Variants in MAPK6 observed in about 807,000 individuals in gnomAD.
MAPK6 encodes the protein ERK-3.
Under a neutral mutation model 59.3 loss-of-function variants are expected in MAPK6, and 19 were observed. The ratio of observed to expected loss-of-function variants is 0.32; its 90% CI spans 0.22 to 0.47. The LOEUF is 0.47. Ranked by LOEUF, MAPK6 falls within the 20% of genes least tolerant of loss-of-function variation. MAPK6 has a pLI of 1.00. For synonymous variants in MAPK6, 316 were observed against 290.3 expected (o/e 1.09, Z -0.90); for missense variants, 724 against 847.9 (o/e 0.85, Z 1.81).
chr15:51,981,027 C>G (rs142982043), intron 1 of MAPK6, among the ~76,000 whole-genome samples: 3 of 151,802 alleles, frequency 2.0e-5, no homozygotes, highest in Admixed American at 6.6e-5. Context: ...TTTCCTGAAC[C>G]TCTTTCCTCC....
chr15:52,007,161 A>T (rs1162061084), intron 3 of MAPK6, among the ~76,000 whole-genome samples: 1 of 152,134 alleles, frequency 6.6e-6, no homozygotes, highest in East Asian at 1.9e-4. Flanking sequence ...TGTTTATTAT[A>T]GGAAGTGCTG....
chr15:51,994,049 C>T (rs753746277), intron 2 of MAPK6, among the ~76,000 whole-genome samples: 31 of 152,260 alleles, frequency 2.0e-4, no homozygotes, highest in Non-Finnish European at 3.7e-4. Flanking sequence ...AAACCTCCAC[C>T]TCCTGGGTTC....
At chr15:52,044,525 T>G (rs1329879490) in intron 1 of MAPK6, among the ~76,000 whole-genome samples, 1 of 152,160 alleles carries the variant, frequency 6.6e-6, no homozygotes, top group Non-Finnish European at 1.5e-5. Flanking sequence ...GCCTAAAATA[T>G]TGTCTGGTCT....
intron 1 of MAPK6, among the ~76,000 whole-genome samples, chr15:52,032,992 T>A (rs1315367128): frequency 1.3e-5 from 2 of 151,544 alleles, no homozygotes; most frequent in East Asian, 3.9e-4. Flanking sequence ...GCCTCCTTTT[T>A]TTTAATGGAG....
At chr15:52,061,821 G>A (rs1054004790) in intron 5 of MAPK6, among the ~76,000 whole-genome samples, 8 of 152,020 alleles carry the variant, frequency 5.3e-5, no homozygotes, top group East Asian at 1.9e-4. Context: ...ATAAATAGCC[G>A]TTAATTAAAA....
chr15:52,007,773 A>G (rs983812386), intron 3 of MAPK6, among the ~76,000 whole-genome samples: 4 of 151,580 alleles, frequency 2.6e-5, no homozygotes, highest in Non-Finnish European at 5.9e-5. Flanking sequence ...TTTAGCTCTT[A>G]CATATATATA....
In MAPK6 at chr15:51,980,631, C is replaced by G. The variant is rs1003104096; in HGVS notation, c.-879-2575C>G. ...TTTTAGACAGAGTCTTGCTCTGTTG[C>G]CCAGACTGGAGTGCAGTGGCAGAAT... On this transcript the variant is annotated intron_variant, in intron 1 of 7. Transcript: ENST00000691380. Among the ~76,000 whole-genome samples the G allele has an allele frequency of 2.0e-5, 3 of 150,796 alleles. No individual in the cohort carries two copies. The East Asian group carries it at 5.8e-4, about 29-fold the overall frequency.
upstream of MAPK6, chr15:52,017,741 C>T: frequency 6.6e-6 from 1 of 152,240 alleles, no homozygotes; most frequent in East Asian, 1.9e-4. Flanking sequence ...ATTCTCCCAC[C>T]TTCTCTGGGT....
At chr15:52,015,731 C>G (rs565171401), upstream of MAPK6, among the ~76,000 whole-genome samples, 1 of 148,980 alleles carries the variant, frequency 6.7e-6, no homozygotes, top group East Asian at 2.1e-4. Flanking sequence ...GGATTACAGG[C>G]GTGAGTCCGC....
chr15:52,036,079 A>T (rs74013646), intron 1 of MAPK6, among the ~76,000 whole-genome samples: 8,370 of 152,200 alleles, frequency 0.055, 448 homozygotes, highest in African/African-American at 0.13. Context: ...ATAGAAATCA[A>T]GTAGTTTAAG....
In MAPK6 at chr15:52,065,252, G is replaced by A. The variant is rs575080376; in HGVS notation, c.*252G>A. The A allele has an allele frequency of 3.4e-5, 12 of 357,068 alleles. No individual in the cohort carries two copies. The highest frequency in any genetic ancestry group is 1.7e-4 in the African/African-American group (8 of 47,794). 22.1% of individuals were successfully genotyped at this position (357,068 alleles called of 1,614,324 possible). On this transcript the variant is annotated 3_prime_UTR_variant, in exon 6 of 6. Transcript: ENST00000261845. ...TGCAACGCAGGAGGAGAAAAGAAAT[G>A]CACTAAGACAAGAACATTCTCTCAT...
intron 2 of MAPK6, among the ~76,000 whole-genome samples, chr15:52,049,520 G>GT (rs1253871660): frequency 6.6e-6 from 1 of 151,386 alleles, no homozygotes; most frequent in African/African-American, 2.4e-5. Context: ...TAGAGGCAGA[G>GT]TTTTACCATG....
At chr15:52,053,969 C>T (rs2031872776) in intron 3 of MAPK6, among the ~76,000 whole-genome samples, 1 of 151,850 alleles carries the variant, frequency 6.6e-6, no homozygotes, top group Non-Finnish European at 1.5e-5. Flanking sequence ...AGTCCAGTTA[C>T]CTTTTTCTTT....
Position 52,048,724 on chromosome 15 carries a change from T to C in MAPK6, c.556-1269T>C, listed in dbSNP as rs367904247. Among the ~76,000 whole-genome samples the C allele has an allele frequency of 2.7e-4, 41 of 150,866 alleles. 4 individuals are homozygous for C. Among genetic ancestry groups the C allele is most frequent in the South Asian group, 1.7e-3 (8 of 4,772 alleles). On this transcript the variant is annotated intron_variant, in intron 2 of 5. Coordinates refer to ENST00000261845, the MANE Select transcript of MAPK6 (RefSeq NM_002748.4). ...CAGGAGGATCACTTGAGGCCAGGAG[T>C]TTGAGACCAACCTGCGCAGTGGCTC...
intron 1 of MAPK6, among the ~76,000 whole-genome samples, chr15:52,027,241 TCG>T (rs2141863407): frequency 6.8e-6 from 1 of 147,446 alleles, no homozygotes; most frequent in South Asian, 2.1e-4. Context: ...TCCCAGCTAC[TCG>T]GGAGGCTGAG....
rs188647011 is a variant in MAPK6, at chr15:51,995,659, G to A, written c.-769-8606G>A. 1.4e-4 allele frequency among the ~76,000 whole-genome samples: 21 copies of A among 152,262 alleles called. No homozygotes were observed. In the East Asian group the frequency reaches 4.1e-3, roughly 29 times the overall value. The stretch of plus-strand genomic sequence containing the variant: ...ACAGGCTTTCTAGGCCAGGCGCAGT[G>A]GCTCATGCCTGTAATCCCAGCACTG... On this transcript the variant is annotated intron_variant, in intron 2 of 7. Transcript: ENST00000691380.
chr15:51,988,505 G>A (rs562511411), intron 2 of MAPK6, among the ~76,000 whole-genome samples: 79 of 152,146 alleles, frequency 5.2e-4, no homozygotes, highest in African/African-American at 1.7e-3. Flanking sequence ...AGGCCACGGC[G>A]GGTGGGTCAC....
At chr15:52,036,807 T>C (rs1308693958) in intron 1 of MAPK6, among the ~76,000 whole-genome samples, 1 of 152,138 alleles carries the variant, frequency 6.6e-6, no homozygotes, top group Non-Finnish European at 1.5e-5. Context: ...TTCTTTCCTT[T>C]CTTTCCCTCC....
At chr15:52,049,684 G>T (rs146428130) in intron 2 of MAPK6, among the ~76,000 whole-genome samples, 3 of 143,398 alleles carry the variant, frequency 2.1e-5, no homozygotes, top group Non-Finnish European at 4.5e-5. Flanking sequence ...GCACAATCTC[G>T]GCTCACCGCA....
Sources: gnomAD v4.1 joint callset for allele counts (sites outside exome capture counted in the v4.1 genomes callset) on GRCh38, gnomAD v4.1.1 for gene constraint, MANE v1.5 for transcripts, NCBI Gene and HGNC (gene_info 2026-07-23, HGNC 2026-07-21) for gene names.